SLC8A3: variants seen among roughly 807,000 people sequenced by gnomAD.
SLC8A3 encodes the protein sodium/calcium exchanger 3.
A neutral mutation model predicts 65.4 loss-of-function variants in SLC8A3; 37 were observed. The observed-to-expected ratio is 0.57, with a 90% CI of 0.44 to 0.74. The LOEUF (loss-of-function observed/expected upper bound fraction) is 0.74. SLC8A3 is among the 30% of genes least tolerant of loss of function. The pLI, the probability that SLC8A3 is intolerant of heterozygous loss-of-function variation, is 0.00. For missense variants in SLC8A3, 1,112 were observed against 1,172.1 expected, an observed-to-expected ratio of 0.95 and a Z score of 0.75; for synonymous variants, 461 against 444.5, an observed-to-expected ratio of 1.04 and a Z score of -0.47.
At chr14:70,139,968 C>T (rs930992551) in intron 2 of SLC8A3, among the ~76,000 whole-genome samples, 2 of 152,166 alleles carry the variant, frequency 1.3e-5, no homozygotes, top group African/African-American at 4.8e-5. Flanking sequence ...ACTTGGTTAA[C>T]ATCAGAGTAG....
intron 1 of SLC8A3, among the ~76,000 whole-genome samples, chr14:70,172,147 CT>C (rs1399513579): frequency 2.6e-5 from 4 of 151,218 alleles, no homozygotes; most frequent in African/African-American, 4.9e-5. Context: ...AACTTGAGAT[CT>C]TTTCCCCCAC....
chr14:70,059,062 T>C (rs947566829), intron 3 of SLC8A3: 1 of 152,244 alleles, frequency 6.6e-6, no homozygotes, highest in Non-Finnish European at 1.5e-5. Flanking sequence ...AGATAATTTC[T>C]TTCTTCCAGC....
chr14:70,077,630 C>T lies in SLC8A3; in HGVS notation c.1785-16691G>A, dbSNP rs1890658597. ...GCTGTCCAGTAGGCAGAGGTGGCAA[C>T]TGAATTTACTTCCTTCTAGCCCCAT... On this transcript the variant is annotated intron_variant, in intron 2 of 6. Coordinates refer to ENST00000356921, the MANE Select transcript of SLC8A3 (RefSeq NM_182932.3). Among the ~76,000 whole-genome samples, 7 of 152,288 alleles carry T rather than the reference C, an allele frequency of 4.6e-5. 1 individual carries two copies. The South Asian group carries it at 1.5e-3, about 32-fold the overall frequency.
At position 70,048,820 on chromosome 14, in the gene SLC8A3, A is replaced by C; in HGVS notation, c.2336T>G (p.Leu779Arg). Residue 779 changes from leucine to arginine, a missense_variant, in exon 6 of 7, where the codon CTC becomes CGC. Coordinates refer to ENST00000356921, the MANE Select transcript of SLC8A3 (RefSeq NM_182932.3). ...AACAACAGCTGTGACTGAATCTTTG[A>C]GACCAATGGTGCAGCCGAAGTGCGA... is the stretch of plus-strand genomic sequence containing the variant. ...LASHFGCTIG[L>R]KDSVTAVVFV... The C allele has an allele frequency of 1.9e-6, 3 of 1,614,124 alleles. No homozygotes were observed. Among genetic ancestry groups the C allele is most frequent in the Non-Finnish European group, 2.5e-6 (3 of 1,179,994 alleles).
intron 1 of SLC8A3, among the ~76,000 whole-genome samples, chr14:70,170,735 A>G (rs17765586): frequency 0.11 from 16,233 of 152,238 alleles, 1,170 homozygotes; most frequent in Non-Finnish European, 0.16. Context: ...ATCAGGGTGC[A>G]TATTGTCCCC....
At chr14:70,138,741 G>C (rs1439469139) in intron 2 of SLC8A3, among the ~76,000 whole-genome samples, 2 of 152,210 alleles carry the variant, frequency 1.3e-5, no homozygotes, top group African/African-American at 4.8e-5. Flanking sequence ...AACATTTGTG[G>C]AACGAGTGTG....
chr14:70,105,602 A>G (rs1892817554), intron 2 of SLC8A3, among the ~76,000 whole-genome samples: 1 of 152,166 alleles, frequency 6.6e-6, no homozygotes, highest in South Asian at 2.1e-4. Context: ...TTTATCAAAA[A>G]CCTTCCCCCA....
intron 2 of SLC8A3, among the ~76,000 whole-genome samples, chr14:70,078,596 G>T (rs1232212510): frequency 6.6e-6 from 1 of 152,100 alleles, no homozygotes; most frequent in Non-Finnish European, 1.5e-5. Context: ...TCCCACTGAT[G>T]GCTGGCTGAC....
At chr14:70,186,675 T>G (rs1322128886) in intron 1 of SLC8A3, among the ~76,000 whole-genome samples, 1 of 152,194 alleles carries the variant, frequency 6.6e-6, no homozygotes, top group East Asian at 1.9e-4. Context: ...GGACTGCTGC[T>G]GGGCATTGTA....
chr14:70,057,736 G>A (rs1441613648), intron 3 of SLC8A3, among the ~76,000 whole-genome samples: 1 of 152,126 alleles, frequency 6.6e-6, no homozygotes, highest in African/African-American at 2.4e-5. Flanking sequence ...TGATCCCCTG[G>A]GTCAGGTGAG....
intron 2 of SLC8A3, among the ~76,000 whole-genome samples, chr14:70,121,414 A>T (rs1308588327): frequency 6.6e-6 from 1 of 152,206 alleles, no homozygotes; most frequent in East Asian, 1.9e-4. Flanking sequence ...GGGAGACTAG[A>T]TGCTCCTGCT....
rs1054994904 is a variant in SLC8A3 at position 70,046,466 on chromosome 14, C to T, written c.2390-143G>A. The T allele has an allele frequency of 2.5e-6, 2 of 788,224 alleles. No homozygotes were observed. Among genetic ancestry groups the T allele is most frequent in the African/African-American group, 1.7e-5 (1 of 57,678 alleles). 48.8% of individuals were successfully genotyped at this position (788,224 alleles called of 1,614,324 possible). A position where few individuals can be genotyped will look rare whatever the true frequency, so the allele number is the denominator to read the frequency against. On this transcript the variant is annotated intron_variant, in intron 6 of 6. Transcript: ENST00000356921. This position sits in a 1 kb window ranked among gnomAD's most constrained non-coding sequence, Gnocchi z 4.2. ...AGGGCTAGGGGGCCACTCCTAACTCCTAGTTCTGCCGCAAGCAAGCCGTGT... is the reference window on the plus strand; with the variant it reads ...AGGGCTAGGGGGCCACTCCTAACTCTTAGTTCTGCCGCAAGCAAGCCGTGT...
chr14:70,092,285 T>C (rs564940291), intron 2 of SLC8A3, among the ~76,000 whole-genome samples: 1 of 152,278 alleles, frequency 6.6e-6, no homozygotes, highest in South Asian at 2.1e-4. Flanking sequence ...CAGTCATTCT[T>C]TGAGGGTGTG....
chr14:70,161,288 CAAAAAAAAAAAAAAA>C (rs5809474), intron 2 of SLC8A3, among the ~76,000 whole-genome samples: 4 of 33,280 alleles, frequency 1.2e-4, no homozygotes, highest in African/African-American at 2.4e-4. Flanking sequence ...GACTCCATCT[CAAAAAAAAAAAAAAA>C]AAAAAAAAAA....
Position 70,046,374 on chromosome 14 carries a change from G to T in SLC8A3, c.2390-51C>A. On this transcript the variant is annotated intron_variant, in intron 6 of 6. Coordinates refer to ENST00000356921, the MANE Select transcript of SLC8A3 (RefSeq NM_182932.3). This position sits in a 1 kb window ranked among gnomAD's most constrained non-coding sequence, Gnocchi z 4.2. ...AACTGGTAGGAGGCTAAGGTGTGCA[G>T]GGCTTGTCTTCCAGTATGCCCAAAA... is the stretch of plus-strand genomic sequence containing the variant. 6.5e-7 allele frequency: 1 copy of T among 1,530,056 alleles called. No individual in the cohort carries two copies. The allele number at this position is 1,530,056 out of a possible 1,614,324, so 94.8% of individuals were successfully genotyped here.
intron 1 of SLC8A3, among the ~76,000 whole-genome samples, chr14:70,187,428 C>T (rs910214072): frequency 1.3e-5 from 2 of 151,986 alleles, no homozygotes; most frequent in Non-Finnish European, 2.9e-5. Flanking sequence ...ACCCCGCCAC[C>T]ACCACCACTA....
At chr14:70,079,102 A>G (rs1247425613) in intron 2 of SLC8A3, among the ~76,000 whole-genome samples, 1 of 152,126 alleles carries the variant, frequency 6.6e-6, no homozygotes, top group Non-Finnish European at 1.5e-5. Context: ...CACTATCCTA[A>G]TAAGCTCTAC....
chr14:70,181,468 A>C (rs76960198), intron 1 of SLC8A3, among the ~76,000 whole-genome samples: 1 of 147,848 alleles, frequency 6.8e-6, no homozygotes, highest in African/African-American at 2.5e-5. Context: ...CCACACGCAA[A>C]AAAAAAAAAA....
chr14:70,080,328 G>A (rs1336173546), intron 2 of SLC8A3: 23 of 746,192 alleles, frequency 3.1e-5, no homozygotes, highest in East Asian at 1.3e-4. Context: ...GGTGAGGATC[G>A]GTGGCCTTGG....
Sources: gnomAD v4.1 joint callset for allele counts (sites outside exome capture counted in the v4.1 genomes callset) on GRCh38, gnomAD v4.1.1 for gene constraint, Gnocchi (gnomAD v3.1) non-coding constraint, MANE v1.5 for transcripts, NCBI Gene and HGNC (gene_info 2026-07-23, HGNC 2026-07-21) for gene names.